Variants in ZDHHC21 observed in about 807,000 individuals in gnomAD.
ZDHHC21 encodes the protein palmitoyltransferase ZDHHC21.
A neutral mutation model predicts 34.6 loss-of-function variants in ZDHHC21; 15 were observed. The observed-to-expected ratio is 0.43, with a 90% confidence interval of 0.29 to 0.67. ZDHHC21 has a LOEUF of 0.67. ZDHHC21 is among the 30% of genes least tolerant of loss of function. ZDHHC21 has a pLI of 0.14. For synonymous variants in ZDHHC21, 142 were observed against 101.8 expected (o/e 1.40, Z -2.38); for missense variants, 344 against 327.7 (o/e 1.05, Z -0.38).
chr9:14,651,483 C>T (rs1831233608), intron 7 of ZDHHC21, among the ~76,000 whole-genome samples: 1 of 151,822 alleles, frequency 6.6e-6, no homozygotes, highest in African/African-American at 2.4e-5. Flanking sequence ...AGGTATTGAA[C>T]TTCTCTGAAT....
the ZDHHC21 span, among the ~76,000 whole-genome samples, chr9:14,596,000 GA>G: frequency 6.6e-6 from 1 of 152,168 alleles, no homozygotes; most frequent in Admixed American, 6.5e-5. Context: ...GCATGATCAT[GA>G]AAAATTTGGT....
At position 14,612,334 on chromosome 9, in the gene ZDHHC21, T is replaced by A. The variant is rs1279706431; in HGVS notation, c.*6632A>T. ...AATGTGAATGTCTGCCTTTCCAATATACACACTGTCACCTTCTTGCCAGAA... is the reference window on the plus strand; with the variant it reads ...AATGTGAATGTCTGCCTTTCCAATAAACACACTGTCACCTTCTTGCCAGAA... On this transcript the variant is annotated 3_prime_UTR_variant, in exon 10 of 10. Transcript: ENST00000380916. 1 of 152,012 alleles carries A rather than the reference T, an allele frequency of 6.6e-6. No individual in the cohort carries two copies. Among genetic ancestry groups the A allele is most frequent in the African/African-American group, 2.4e-5 (1 of 41,428 alleles). 9.4% of individuals were successfully genotyped at this position (152,012 alleles called of 1,614,324 possible).
chr9:14,658,213 G>C (rs13289971), intron 7 of ZDHHC21, among the ~76,000 whole-genome samples: 2 of 151,856 alleles, frequency 1.3e-5, no homozygotes, highest in Non-Finnish European at 2.9e-5. Flanking sequence ...CGTATTGAAA[G>C]ATTCAACGTG....
At chr9:14,680,611 T>A (rs1335974337) in intron 2 of ZDHHC21, among the ~76,000 whole-genome samples, 1 of 78,862 alleles carries the variant, frequency 1.3e-5, no homozygotes, top group Non-Finnish European at 3.2e-5. Context: ...GAGTCAAACA[T>A]AAGTCAGTTT....
chr9:14,627,121 C>T (rs918970856), intron 8 of ZDHHC21, among the ~76,000 whole-genome samples: 2 of 151,996 alleles, frequency 1.3e-5, no homozygotes, highest in Non-Finnish European at 2.9e-5. Flanking sequence ...GAATACTAGG[C>T]AAAATTTAAC....
chr9:14,624,750 C>T (rs1483906812), intron 8 of ZDHHC21, among the ~76,000 whole-genome samples: 1 of 152,010 alleles, frequency 6.6e-6, no homozygotes, highest in African/African-American at 2.4e-5. Context: ...AGTGTGATTA[C>T]AGTCAACAAA....
chr9:14,598,727 T>A, the ZDHHC21 span, among the ~76,000 whole-genome samples: 1 of 152,046 alleles, frequency 6.6e-6, no homozygotes, highest in Non-Finnish European at 1.5e-5. Flanking sequence ...ATGAGAAATA[T>A]ATTTTTTATT....
intron 7 of ZDHHC21, among the ~76,000 whole-genome samples, chr9:14,640,336 A>C (rs937436967): frequency 6.6e-6 from 1 of 151,172 alleles, no homozygotes; most frequent in African/African-American, 2.4e-5. Context: ...GAAAGAAAGA[A>C]AAGAAAAACC....
chr9:14,608,900 C>T (rs535427884), downstream of ZDHHC21, among the ~76,000 whole-genome samples: 3 of 152,108 alleles, frequency 2.0e-5, no homozygotes, highest in South Asian at 2.1e-4. Context: ...TTAGTTTTTG[C>T]CTCTTTATAA....
intron 7 of ZDHHC21, among the ~76,000 whole-genome samples, chr9:14,648,203 T>C (rs529512942): frequency 1.3e-5 from 2 of 152,244 alleles, no homozygotes; most frequent in South Asian, 4.1e-4. Flanking sequence ...AATAGACCAC[T>C]TGTAAACGCT....
intron 5 of ZDHHC21, among the ~76,000 whole-genome samples, chr9:14,671,128 G>C (rs1835368306): frequency 6.6e-6 from 1 of 151,822 alleles, no homozygotes; most frequent in African/African-American, 2.4e-5. Flanking sequence ...CCAAAAAAAA[G>C]GCAAACTCCA....
chr9:14,655,537 C>T (rs1053011509), intron 7 of ZDHHC21, among the ~76,000 whole-genome samples: 1 of 151,682 alleles, frequency 6.6e-6, no homozygotes, highest in African/African-American at 2.4e-5. Context: ...TACCTTCTAC[C>T]CCAAAATATG....
In ZDHHC21 at chr9:14,619,752, C is replaced by A. The variant is rs111500060; in HGVS notation, c.622-70G>T. ...AGTCTTTATTCTGTATCCACTCTAT[C>A]ATGTTTTTAATCTTATTCCAAAAAT... On this transcript the variant is annotated intron_variant, in intron 8 of 9. Coordinates refer to ENST00000380916, the MANE Select transcript of ZDHHC21 (RefSeq NM_178566.6). The A allele has an allele frequency of 2.2e-3, 2,058 of 917,552 alleles. 36 individuals carry two copies. The African/African-American group carries it at 0.031, about 14-fold the overall frequency. 56.8% of individuals were successfully genotyped at this position (917,552 alleles called of 1,614,324 possible).
intron 8 of ZDHHC21, among the ~76,000 whole-genome samples, chr9:14,631,189 T>A (rs1827280430): frequency 1.3e-5 from 2 of 152,224 alleles, no homozygotes; most frequent in Admixed American, 1.3e-4. Flanking sequence ...TGATTAATCA[T>A]CTTAGATCTT....
chr9:14,681,033 G>C (rs938647617), intron 2 of ZDHHC21, among the ~76,000 whole-genome samples: 2 of 152,146 alleles, frequency 1.3e-5, no homozygotes. Context: ...GAGAAAATCT[G>C]AGTAAACTGA....
At chr9:14,601,262 G>A in the ZDHHC21 span, among the ~76,000 whole-genome samples, 6 of 152,090 alleles carry the variant, frequency 3.9e-5, no homozygotes, top group African/African-American at 9.7e-5. Context: ...CTGACAAAGA[G>A]CTAATATCCA....
chr9:14,639,951 G>C lies in ZDHHC21; in HGVS notation c.566C>G (p.Thr189Ser), dbSNP rs1295256451. Residue 189 changes from threonine to serine, a missense_variant, in exon 8 of 10, where the codon ACT becomes AGT. By Grantham distance (58) the Thr-to-Ser change is moderately conservative. Coordinates refer to ENST00000380916, the MANE Select transcript of ZDHHC21 (RefSeq NM_178566.6). The part of the protein sequence containing the change: ...IMRLAAFMGI[T>S]MLVGITGLFY... ...GAGTCCAGTTATTCCAACTAACATA[G>C]TAATGCCCATAAAGGCTGCTAGTCT... is the stretch of plus-strand genomic sequence containing the variant. 3.7e-6 allele frequency: 6 copies of C among 1,609,234 alleles called. No individual in the cohort carries two copies. In the Admixed American group the frequency reaches 5.0e-5, roughly 13 times the overall value.
intron 1 of ZDHHC21, among the ~76,000 whole-genome samples, chr9:14,690,668 C>G (rs1034598691): frequency 1.3e-5 from 2 of 151,994 alleles, no homozygotes; most frequent in Non-Finnish European, 2.9e-5. Flanking sequence ...GTCTAAAGAG[C>G]AAAACAAACA....
rs1473769157 is a variant in ZDHHC21 at position 14,614,630 on chromosome 9, T to C, written c.*4336A>G. ...AGAGCACAATGAAATCTGTGATTTATAATAAATTCAGAGGATGATTTCTAG... is the reference window on the plus strand; with the variant it reads ...AGAGCACAATGAAATCTGTGATTTACAATAAATTCAGAGGATGATTTCTAG... On this transcript the variant is annotated 3_prime_UTR_variant, in exon 10 of 10. Transcript: ENST00000380916. 5 of 151,782 alleles carry C rather than the reference T, an allele frequency of 3.3e-5. No individual in the cohort carries two copies. Among genetic ancestry groups the C allele is most frequent in the Non-Finnish European group, 7.4e-5 (5 of 67,754 alleles). 9.4% of individuals were successfully genotyped at this position (151,782 alleles called of 1,614,324 possible). A position where few individuals can be genotyped will look rare whatever the true frequency, so the allele number is the denominator to read the frequency against.
Sources: allele counts gnomAD v4.1 joint callset (sites outside exome capture counted in the v4.1 genomes callset), GRCh38; gene constraint gnomAD v4.1.1; transcripts MANE v1.5; gene names NCBI Gene and HGNC (gene_info 2026-07-23, HGNC 2026-07-21).